The following FBL variants were observed in gnomAD, a reference collection of about 807,000 sequenced individuals.
FBL encodes fibrillarin rRNA 2'-O-methyltransferase.
FBL carries 10 observed loss-of-function variants against 42.2 expected under a neutral mutation model. The observed-to-expected ratio is 0.24, with a 90% confidence interval of 0.15 to 0.40. The LOEUF (loss-of-function observed/expected upper bound fraction) is 0.40, where lower values mean the gene tolerates loss of function less well. Ranked by LOEUF, FBL falls within the 10% of genes least tolerant of loss-of-function variation. The pLI is 1.00. For missense variants in FBL, 351 were observed against 439.2 expected, an observed-to-expected ratio of 0.80 and a Z score of 1.79; for synonymous variants, 165 against 165.4, an observed-to-expected ratio of 1.00 and a Z score of 0.02.
chr19:39,840,056 C>CT lies in FBL; in HGVS notation c.378+176dup, dbSNP rs1471552713. ...GAGGCCTGAGTGAAGACTCAGGAGT[C>CT]TAACTGGAAGGCCGTGGGGAGTCAC... On this transcript the variant is annotated intron_variant, in intron 4 of 8. Coordinates refer to ENST00000221801, the MANE Select transcript of FBL (RefSeq NM_001436.4). The surrounding 1 kb of genome is among the most constrained non-coding windows in gnomAD (Gnocchi z 4.5). Among the ~76,000 whole-genome samples the CT allele has an allele frequency of 1.3e-5, 2 of 152,028 alleles. No homozygotes were observed. Among genetic ancestry groups the CT allele is most frequent in the Non-Finnish European group, 2.9e-5 (2 of 67,976 alleles).
intron 1 of FBL, among the ~76,000 whole-genome samples, chr19:39,841,221 C>T (rs1038468824): frequency 6.6e-6 from 1 of 151,970 alleles, no homozygotes; most frequent in Admixed American, 6.6e-5. Context: ...CAGGTGTGTG[C>T]CACTACTCCC....
rs781092751 is a variant in FBL at position 39,840,692 on chromosome 19, G to C, written c.106C>G (p.Arg36Gly). 3 of 1,591,526 alleles carry C rather than the reference G, an allele frequency of 1.9e-6. No homozygotes were observed. Among genetic ancestry groups the C allele is most frequent in the Non-Finnish European group, 2.6e-6 (3 of 1,169,586 alleles). The change falls in exon 2 of 9, where the codon CGA becomes GGA. Residue 36 changes from arginine to glycine, a missense_variant. Transcript: ENST00000221801. This position sits in a 1 kb window ranked among gnomAD's most constrained non-coding sequence, Gnocchi z 4.5. The stretch of plus-strand genomic sequence containing the variant: ...CCACGACCTCTAAAGCCTCCGCCTC[G>C]ACCTCGGCCCCCGCCAAAGCCCCCT... ...GRGGFGGGRG[R>G]GGGFRGRGRG...
Position 39,834,490 on chromosome 19 carries a change from T to G in FBL, c.*48A>C, listed in dbSNP as rs766048227. ...GAGTCTTTTAATAGAAAAACACACG[T>G]GCAACAGTATCAACACACATCTCTC... On this transcript the variant is annotated 3_prime_UTR_variant, in exon 9 of 9. Coordinates refer to ENST00000221801, the MANE Select transcript of FBL (RefSeq NM_001436.4). 2 of 1,608,816 alleles carry G rather than the reference T, an allele frequency of 1.2e-6. No individual in the cohort carries two copies. The highest frequency in any genetic ancestry group is 2.7e-5 in the African/African-American group (2 of 74,786).
In FBL at chr19:39,837,698, C is replaced by G. The variant is rs1411981912; in HGVS notation, c.682+13G>C. The G allele has an allele frequency of 6.4e-7, 1 of 1,557,990 alleles. No homozygotes were observed. The highest frequency in any genetic ancestry group is 1.4e-5 in the African/African-American group (1 of 72,682). On this transcript the variant is annotated intron_variant, in intron 6 of 8. Coordinates refer to ENST00000221801, the MANE Select transcript of FBL (RefSeq NM_001436.4). ...CTGTCCTACCCCACCGGGGCCACCC[C>G]CAGACCCCTCACCGATGAGCATGCG... is the stretch of plus-strand genomic sequence containing the variant.
chr19:39,836,729 A>G lies in FBL; in HGVS notation c.683-61T>C, dbSNP rs1156544878. The G allele has an allele frequency of 7.1e-6, 9 of 1,273,086 alleles. No individual in the cohort carries two copies. In the Admixed American group the frequency reaches 1.4e-4, roughly 20 times the overall value. 78.9% of individuals were successfully genotyped at this position (1,273,086 alleles called of 1,614,324 possible). A position where few individuals can be genotyped will look rare whatever the true frequency, so the allele number is the denominator to read the frequency against. On this transcript the variant is annotated intron_variant, in intron 6 of 8. Coordinates refer to ENST00000221801, the MANE Select transcript of FBL (RefSeq NM_001436.4). ...CACAGGGATCACCCCAGATCCTCCC[A>G]TGGGGCCTATGCCCATCACCAGCAG...
At chr19:39,838,678 C>A in intron 5 of FBL, 1 of 189,090 alleles carries the variant, frequency 5.3e-6, no homozygotes. Flanking sequence ...CCTATACAGG[C>A]TCAGAAACCA....
chr19:39,846,151 T>A (rs1356754130), intron 1 of FBL, 140 bp downstream of exon 1: 1 of 974,828 alleles, frequency 1.0e-6, no homozygotes, highest in Non-Finnish European at 1.6e-6. Context: ...GGAATCAGAA[T>A]CCCCCTTCCC....
rs767445002 is a variant in FBL, at chr19:39,839,225, A to T, written c.379-20T>A. 51 of 1,599,198 alleles carry T rather than the reference A, an allele frequency of 3.2e-5. 1 individual carries two copies. The South Asian group carries it at 5.6e-4, about 18-fold the overall frequency. The stretch of plus-strand genomic sequence containing the variant: ...TCCTTCCTAGATGAGAGATGGGGAC[A>T]GAAGTCAGTGCTAGGCTCTTCTGCA... On this transcript the variant is annotated intron_variant, in intron 4 of 8. Transcript: ENST00000221801.
At chr19:39,845,997 C>A (rs897770374) in intron 1 of FBL, among the ~76,000 whole-genome samples, 14 of 152,214 alleles carry the variant, frequency 9.2e-5, no homozygotes, top group Admixed American at 1.3e-4. Flanking sequence ...CCCTTGAGTG[C>A]CGCCTCCTGC....
At chr19:39,838,956 C>T in intron 5 of FBL, 79 bp downstream of exon 5, 4 of 1,311,360 alleles carry the variant, frequency 3.1e-6, no homozygotes, top group Admixed American at 2.0e-5. Context: ...CGCAGGCAAG[C>T]AGTCAAACCC....
intron 1 of FBL, among the ~76,000 whole-genome samples, chr19:39,842,089 CTT>C (rs35883024): frequency 2.8e-5 from 4 of 142,814 alleles, no homozygotes; most frequent in Non-Finnish European, 3.1e-5. Flanking sequence ...CATAAGCTTG[CTT>C]TTTTTTTTTT....
chr19:39,835,664 G>A (rs980064095), intron 7 of FBL, among the ~76,000 whole-genome samples: 1 of 152,202 alleles, frequency 6.6e-6, no homozygotes, highest in Non-Finnish European at 1.5e-5. Context: ...AGTGGCTCGT[G>A]CCTGTAATCC....
At chr19:39,844,645 T>C (rs1969225647) in intron 1 of FBL, among the ~76,000 whole-genome samples, 2 of 152,206 alleles carry the variant, frequency 1.3e-5, no homozygotes, top group East Asian at 1.9e-4. Context: ...TTCAAAAGCA[T>C]GTAAAACTGT....
In FBL at chr19:39,834,684, C is replaced by T. The variant is rs1417181154; in HGVS notation, c.925G>A (p.Val309Ile). 5.0e-6 allele frequency: 8 copies of T among 1,614,078 alleles called. No homozygotes were observed. The highest frequency in any genetic ancestry group is 1.1e-5 in the South Asian group (1 of 91,084). ...CCTGCTCACCTGTACACTCCCACGA[C>T]CACGGCATGGTCTCTTTCATATGGC... The part of the protein sequence containing the change: ...LEPYERDHAV[V>I]VGVYRPPPKV... Residue 309 changes from valine (V) to isoleucine (I), a missense_variant, in exon 8 of 9, where the codon GTC becomes ATC. Val to Ile is a conservative substitution (Grantham distance 29). Coordinates refer to ENST00000221801, the MANE Select transcript of FBL (RefSeq NM_001436.4).
In FBL at chr19:39,840,391, G is replaced by A. The variant is rs200890919; in HGVS notation, c.283+23C>T. 1.9e-4 allele frequency: 313 copies of A among 1,613,208 alleles called. 6 individuals are homozygous for A. The East Asian group carries it at 5.5e-3, about 28-fold the overall frequency. Reference sequence around the variant, plus strand: ...CCTCTCCCTGCCCCGAAGCTCAGCCGGCTCCCTGCCTTCCTCACTCACCCT... The same window carrying A: ...CCTCTCCCTGCCCCGAAGCTCAGCCAGCTCCCTGCCTTCCTCACTCACCCT... On this transcript the variant is annotated intron_variant, in intron 3 of 8. Transcript: ENST00000221801. This position sits in a 1 kb window ranked among gnomAD's most constrained non-coding sequence, Gnocchi z 4.5.
intron 1 of FBL, among the ~76,000 whole-genome samples, chr19:39,843,868 C>A (rs1351534776): frequency 6.6e-6 from 1 of 152,190 alleles, no homozygotes; most frequent in Non-Finnish European, 1.5e-5. Flanking sequence ...CTATCTGGCA[C>A]CTACTTTGAA....
intron 1 of FBL, among the ~76,000 whole-genome samples, chr19:39,843,416 C>T (rs767120828): frequency 6.6e-6 from 1 of 152,174 alleles, no homozygotes; most frequent in South Asian, 2.1e-4. Flanking sequence ...CTGCCACTCT[C>T]GACCCTAGTA....
intron 1 of FBL, among the ~76,000 whole-genome samples, chr19:39,842,700 C>A (rs532299224): frequency 9.2e-5 from 14 of 152,278 alleles, no homozygotes; most frequent in African/African-American, 2.9e-4. Flanking sequence ...ATAAAAAGTC[C>A]TTTCCCTGGC....
At position 39,840,217 on chromosome 19, in the gene FBL, G is replaced by A; in HGVS notation, c.378+16C>T. 2 of 1,603,134 alleles carry A rather than the reference G, an allele frequency of 1.2e-6. No individual in the cohort carries two copies. Among genetic ancestry groups the A allele is most frequent in the Non-Finnish European group, 1.7e-6 (2 of 1,170,558 alleles). On this transcript the variant is annotated intron_variant, in intron 4 of 8. Coordinates refer to ENST00000221801, the MANE Select transcript of FBL (RefSeq NM_001436.4). This position sits in a 1 kb window ranked among gnomAD's most constrained non-coding sequence, Gnocchi z 4.5. ...AGCTGCGACCCTGGTGGCTTGGACA[G>A]GGGCCCAGTTCTCACCGAAATCGAG...
Sources: allele counts gnomAD v4.1 joint callset (sites outside exome capture counted in the v4.1 genomes callset), GRCh38; gene constraint gnomAD v4.1.1; non-coding constraint Gnocchi (gnomAD v3.1); transcripts MANE v1.5; gene names NCBI Gene and HGNC (gene_info 2026-07-23, HGNC 2026-07-21).